Variants in MAST4 observed in about 807,000 individuals in gnomAD.
MAST4 encodes the protein microtubule associated serine/threonine kinase family member 4.
In MAST4, 89 loss-of-function variants were observed where a neutral mutation model predicts 162.7. That is an observed-to-expected ratio of 0.55 (90% CI 0.46 to 0.65). The LOEUF is 0.65. Ranked by LOEUF, MAST4 falls within the 30% of genes least tolerant of loss-of-function variation. The pLI is 0.00. For synonymous variants in MAST4, 1,479 were observed against 1,361.1 expected, an observed-to-expected ratio of 1.09 and a Z score of -1.91; for missense variants, 3,153 against 3,374.0, an observed-to-expected ratio of 0.93 and a Z score of 1.62.
In MAST4 at chr5:67,100,527, C is replaced by T. The variant is rs745659008; in HGVS notation, c.1005C>T (p.Thr335=). 25 of 1,613,750 alleles carry T rather than the reference C, an allele frequency of 1.5e-5. No homozygotes were observed. Among genetic ancestry groups the T allele is most frequent in the South Asian group, 4.4e-5 (4 of 91,070 alleles). The change falls in exon 8 of 29, where the codon ACC becomes ACT. Residue 335 remains threonine (T), a synonymous_variant. Transcript: ENST00000403625. ...TCTTATCAAAACATTTCTGTACCAC[C>T]GAAAGCATCGCCACTGAGAACAGAT... ...LHFLSKHFCT[T]ESIATENRCR... is the part of the protein sequence containing the mutation.
intron 2 of MAST4, among the ~76,000 whole-genome samples, chr5:66,772,345 GT>G (rs1048551391): frequency 6.6e-6 from 1 of 151,882 alleles, no homozygotes; most frequent in East Asian, 1.9e-4. Context: ...TTCAATTTAT[GT>G]TTTTTTAAGA....
rs1774150156 is a variant in MAST4, at chr5:67,167,160, C to T, written c.*109C>T. 2.1e-6 allele frequency: 2 copies of T among 935,040 alleles called. No individual in the cohort carries two copies. Among genetic ancestry groups the T allele is most frequent in the Non-Finnish European group, 1.5e-6 (1 of 678,734 alleles). The allele number at this position is 935,040 out of a possible 1,614,324, so 57.9% of individuals were successfully genotyped here. On this transcript the variant is annotated 3_prime_UTR_variant, in exon 29 of 29. Transcript: ENST00000403625. ...GTGGGAATGTCCGCCAGGCAGAGCT[C>T]GGAGCCTCATTGAGACAGGGGAGAG...
rs1010993629 is a variant in MAST4, at chr5:67,166,968, C to T, written c.7789C>T (p.Leu2597Phe). 5 of 1,612,550 alleles carry T rather than the reference C, an allele frequency of 3.1e-6. No individual in the cohort carries two copies. In the African/African-American group the frequency reaches 6.7e-5, roughly 22 times the overall value. The stretch of plus-strand genomic sequence containing the variant: ...CCCAAACACTGACCGCCCCATCTCT[C>T]TTTCTAATGAGAAGGACTTTGTGGT... ...PAPNTDRPIS[L>F]SNEKDFVVRQ... The change falls in exon 29 of 29, where the codon CTT (leucine) becomes TTT (phenylalanine). Residue 2597 changes from leucine to phenylalanine, a missense_variant. Physicochemically the swap from Leu to Phe is conservative, Grantham distance 22. Around this residue, in one of 7 missense-constraint regions of MAST4, gnomAD observed 1,644 missense variants for 1,495.0 expected, o/e 1.10. Coordinates refer to ENST00000403625, the MANE Select transcript of MAST4 (RefSeq NM_001164664.2).
At chr5:66,855,119 C>T (rs898693038) in intron 3 of MAST4, among the ~76,000 whole-genome samples, 2 of 152,156 alleles carry the variant, frequency 1.3e-5, no homozygotes, top group Non-Finnish European at 2.9e-5. Context: ...TAATCCCCAG[C>T]GTTGGAGGTG....
chr5:66,834,391 A>T (rs1757815029), intron 3 of MAST4, among the ~76,000 whole-genome samples: 1 of 152,134 alleles, frequency 6.6e-6, no homozygotes, highest in Admixed American at 6.5e-5. Flanking sequence ...AGGTACCAGG[A>T]GGTATCTCAA....
At chr5:66,926,557 T>TA (rs1491232478) in intron 4 of MAST4, among the ~76,000 whole-genome samples, 2 of 62,262 alleles carry the variant, frequency 3.2e-5, no homozygotes, top group Non-Finnish European at 1.0e-4. Flanking sequence ...TCTTTCTCTC[T>TA]TTCTCTCTCT....
chr5:66,831,817 A>G (rs962376499), intron 3 of MAST4, among the ~76,000 whole-genome samples: 3 of 152,192 alleles, frequency 2.0e-5, no homozygotes, highest in African/African-American at 4.8e-5. Context: ...ATCTCAAAAC[A>G]TAGGAAATTC....
At chr5:66,906,037 A>G (rs1233245155) in intron 4 of MAST4, among the ~76,000 whole-genome samples, 1 of 152,248 alleles carries the variant, frequency 6.6e-6, no homozygotes, top group African/African-American at 2.4e-5. Context: ...TTGCAGAGCC[A>G]TTTAAAAATG....
intron 15 of MAST4, 125 bp from the exon 16 acceptor site, chr5:67,131,688 G>C (rs2150994729): frequency 1.1e-6 from 1 of 873,992 alleles, no homozygotes; most frequent in East Asian, 2.5e-5. Context: ...ATAGACTCCA[G>C]TTGTGACTAT....
chr5:66,694,534 C>A (rs148869877), intron 1 of MAST4, among the ~76,000 whole-genome samples: 83 of 151,896 alleles, frequency 5.5e-4, no homozygotes, highest in African/African-American at 1.9e-3. Context: ...TTGACCAGGC[C>A]AGAGTGCAGT....
At chr5:66,790,742 A>G (rs1755359839) in intron 3 of MAST4, among the ~76,000 whole-genome samples, 1 of 152,082 alleles carries the variant, frequency 6.6e-6, no homozygotes, top group Admixed American at 6.5e-5. Context: ...AATTAACCTG[A>G]TGGTAGAGAG....
At chr5:66,705,745 A>G (rs1750088675) in intron 1 of MAST4, among the ~76,000 whole-genome samples, 1 of 152,216 alleles carries the variant, frequency 6.6e-6, no homozygotes, top group African/African-American at 2.4e-5. Flanking sequence ...TTTTGCTGTA[A>G]TAAAGGGTTA....
chr5:66,813,035 C>T (rs27507), intron 3 of MAST4, among the ~76,000 whole-genome samples: 23,796 of 152,180 alleles, frequency 0.16, 2,174 homozygotes, highest in East Asian at 0.44. Context: ...TCAGCTAAGA[C>T]TGACCATTCT....
chr5:66,731,205 G>T (rs1751829672), intron 1 of MAST4, among the ~76,000 whole-genome samples: 1 of 152,198 alleles, frequency 6.6e-6, no homozygotes, highest in Non-Finnish European at 1.5e-5. Context: ...GTTTAATCAT[G>T]ACATGCTTTA....
intron 2 of MAST4, among the ~76,000 whole-genome samples, chr5:66,780,334 C>G (rs146564227): frequency 0.24 from 36,169 of 152,044 alleles, 5,614 homozygotes; most frequent in Non-Finnish European, 0.35. Flanking sequence ...GAATTGGTTC[C>G]TTCTGGTGGG....
intron 1 of MAST4, among the ~76,000 whole-genome samples, chr5:66,718,075 T>TA (rs141762357): frequency 2.9e-4 from 44 of 149,678 alleles, no homozygotes; most frequent in Middle Eastern, 6.9e-3. Context: ...CTGTGTGCTT[T>TA]AAAAAAAAAA....
intron 1 of MAST4, among the ~76,000 whole-genome samples, chr5:66,644,276 T>C (rs1745679632): frequency 6.6e-6 from 1 of 152,182 alleles, no homozygotes; most frequent in African/African-American, 2.4e-5. Context: ...GTCCTTCATT[T>C]CTCTGGGGAT....
intron 1 of MAST4, among the ~76,000 whole-genome samples, chr5:66,756,267 C>A (rs1409281828): frequency 3.9e-5 from 6 of 152,134 alleles, no homozygotes; most frequent in Non-Finnish European, 8.8e-5. Flanking sequence ...TCCAGTCACA[C>A]AAATCAGTAT....
chr5:66,830,046 C>G (rs1757498700), intron 3 of MAST4, among the ~76,000 whole-genome samples: 1 of 152,056 alleles, frequency 6.6e-6, no homozygotes, highest in Admixed American at 6.6e-5. Context: ...GTTTTCATCA[C>G]CTCTATAAAG....
Sources: allele counts gnomAD v4.1 joint callset (sites outside exome capture counted in the v4.1 genomes callset), GRCh38; gene constraint gnomAD v4.1.1; regional missense constraint gnomAD v4.1.1; transcripts MANE v1.5; gene names NCBI Gene and HGNC (gene_info 2026-07-23, HGNC 2026-07-21).